SYNE1: variants seen among roughly 807,000 people sequenced by gnomAD.
SYNE1 encodes the protein nesprin-1.
Under a neutral mutation model 1,111.0 loss-of-function variants are expected in SYNE1, and 616 were observed. The observed-to-expected ratio is 0.55, with a 90% CI of 0.52 to 0.59. The LOEUF (loss-of-function observed/expected upper bound fraction) is 0.59, where lower values mean the gene tolerates loss of function less well. Ranked by LOEUF, SYNE1 falls within the 20% of genes least tolerant of loss-of-function variation. SYNE1 has a pLI of 0.00. For synonymous variants in SYNE1, 3,855 were observed against 3,825.8 expected, an observed-to-expected ratio of 1.01 and a Z score of -0.28; for missense variants, 10,006 against 10,417.0, an observed-to-expected ratio of 0.96 and a Z score of 1.72.
At chr6:152,437,628 A>G (rs950893675) in intron 32 of SYNE1, among the ~76,000 whole-genome samples, 2 of 152,284 alleles carry the variant, frequency 1.3e-5, no homozygotes, top group African/African-American at 4.8e-5. Context: ...ATTAGATGTT[A>G]CCTGAATTTT....
intron 145 of SYNE1, among the ~76,000 whole-genome samples, chr6:152,130,188 G>A (rs2055120319): frequency 6.6e-6 from 1 of 152,152 alleles, no homozygotes; most frequent in African/African-American, 2.4e-5. Flanking sequence ...AAGCAGAAGA[G>A]AGAAGGTACT....
At chr6:152,603,588 T>G (rs1391728534) in intron 3 of SYNE1, among the ~76,000 whole-genome samples, 1 of 151,910 alleles carries the variant, frequency 6.6e-6, no homozygotes, top group Non-Finnish European at 1.5e-5. Flanking sequence ...TTGGCTGCAT[T>G]TGAAGAAAAT....
intron 69 of SYNE1, among the ~76,000 whole-genome samples, chr6:152,353,026 T>C (rs992824987): frequency 3.9e-5 from 6 of 152,224 alleles, no homozygotes; most frequent in African/African-American, 1.2e-4. Context: ...TGGAATTCAG[T>C]GAAGACTTTC....
In SYNE1 at chr6:152,321,779, G is replaced by C; in HGVS notation, c.16025C>G (p.Thr5342Arg). The change falls in exon 83 of 146, where the codon ACG becomes AGG. Residue 5342 changes from threonine to arginine, a missense_variant. Physicochemically the swap from Thr to Arg is moderately conservative, Grantham distance 71 (BLOSUM62 -1). This residue lies in a region of SYNE1 where 4,955 missense variants were observed against 5,017.2 expected (regional missense o/e 0.99). Coordinates refer to ENST00000367255, the MANE Select transcript of SYNE1 (RefSeq NM_182961.4). ...TGTTGGATTCCCTAAATATTCTTTC[G>C]TTTCCTGAACCCAACATTTCACAGA... Reference protein sequence around the residue: ...INSVKCWVQETKEYLGNPTIE... With the variant: ...INSVKCWVQERKEYLGNPTIE... 6.2e-7 allele frequency: 1 copy of C among 1,613,804 alleles called. No individual in the cohort carries two copies. The highest frequency in any genetic ancestry group is 8.5e-7 in the Non-Finnish European group (1 of 1,179,910).
At position 152,373,195 on chromosome 6, in the gene SYNE1, C is replaced by T. The variant is rs566953005; in HGVS notation, c.9349G>A (p.Gly3117Arg). Residue 3117 changes from glycine (G) to arginine (R), a missense_variant, in exon 59 of 146, where the codon GGA becomes AGA. Gly to Arg is a moderately radical substitution (Grantham distance 125). Transcript: ENST00000367255. Reference protein sequence around the residue: ...IQEFLSESENGQHKLNMMLSK... With the variant: ...IQEFLSESENRQHKLNMMLSK... ...AGCATCATGTTTAGCTTGTGCTGTC[C>T]ATTTTCACTTTCTGACAAAAACTCC... The T allele has an allele frequency of 1.8e-4, 296 of 1,612,702 alleles. 2 individuals carry two copies. The South Asian group carries it at 2.9e-3, about 16-fold the overall frequency.
rs551556048 is a variant in SYNE1, at chr6:152,449,462, C to A, written c.3504+71G>T. The stretch of plus-strand genomic sequence containing the variant: ...TTCCAGAAAGAAAAAAGCAGAGAAC[C>A]GTTAGATTCTCTAACATTATTCTTC... On this transcript the variant is annotated intron_variant, in intron 28 of 145. Coordinates refer to ENST00000367255, the MANE Select transcript of SYNE1 (RefSeq NM_182961.4). 1.1e-5 allele frequency: 13 copies of A among 1,150,330 alleles called. No homozygotes were observed. In the East Asian group the frequency reaches 2.3e-4, roughly 21 times the overall value. 71.3% of individuals were successfully genotyped at this position (1,150,330 alleles called of 1,614,324 possible).
At position 152,471,157 on chromosome 6, in the gene SYNE1, A is replaced by C. The variant is rs182478258; in HGVS notation, c.1632+440T>G. Reference sequence around the variant, plus strand: ...CGGTAAAAAAAGACACAGTGGACACAATCTAAAAAAAATAGATAGTTCCCA... The same window carrying C: ...CGGTAAAAAAAGACACAGTGGACACCATCTAAAAAAAATAGATAGTTCCCA... On this transcript the variant is annotated intron_variant, in intron 16 of 145. Transcript: ENST00000367255. 5.3e-5 allele frequency among the ~76,000 whole-genome samples: 8 copies of C among 152,322 alleles called. No individual in the cohort carries two copies. In the East Asian group the frequency reaches 1.5e-3, roughly 29 times the overall value.
At chr6:152,471,552 A>T in intron 16 of SYNE1, 45 bp downstream of exon 16, 2 of 1,590,882 alleles carry the variant, frequency 1.3e-6, no homozygotes, top group Non-Finnish European at 1.7e-6. Context: ...GTGTTGCTAA[A>T]TCCATGGCTC....
At chr6:152,311,822 C>T (rs929319560) in intron 87 of SYNE1, among the ~76,000 whole-genome samples, 1 of 150,768 alleles carries the variant, frequency 6.6e-6, no homozygotes, top group Admixed American at 6.6e-5. Flanking sequence ...TTCGCCCAGG[C>T]TGGAGTGCAG....
chr6:152,567,107 ACT>A (rs1158310089), intron 3 of SYNE1, among the ~76,000 whole-genome samples: 3 of 146,500 alleles, frequency 2.0e-5, no homozygotes, highest in African/African-American at 5.1e-5. Flanking sequence ...CTGCTGTTTC[ACT>A]CTCTGTTTCT....
rs1287193464 is a variant in SYNE1, at chr6:152,381,219, C to T, written c.8796G>A (p.Gln2932=). 6.2e-7 allele frequency: 1 copy of T among 1,614,230 alleles called. No individual in the cohort carries two copies. The highest frequency in any genetic ancestry group is 8.5e-7 in the Non-Finnish European group (1 of 1,180,050). Residue 2932 remains glutamine (Q), a synonymous_variant, in exon 56 of 146, where the codon CAG becomes CAA. Transcript: ENST00000367255. ...GCGTTTGGAATACACTGTCTTCCCA[C>T]TGCTTCCAGTCGGCACGCAGGGCCT... ...EMQALRADWK[Q]WEDSVFQTQS...
At chr6:152,181,890 C>G (rs1188303388) in intron 128 of SYNE1, among the ~76,000 whole-genome samples, 1 of 152,176 alleles carries the variant, frequency 6.6e-6, no homozygotes, top group Non-Finnish European at 1.5e-5. Context: ...TTCACATTCC[C>G]ACCAGTAGTA....
At chr6:152,332,683 G>A (rs979220525) in intron 77 of SYNE1, among the ~76,000 whole-genome samples, 1 of 152,120 alleles carries the variant, frequency 6.6e-6, no homozygotes, top group African/African-American at 2.4e-5. Flanking sequence ...AATCTGTAAG[G>A]TATAACCAAC....
At chr6:152,509,838 C>T (rs541677689) in intron 8 of SYNE1, among the ~76,000 whole-genome samples, 2 of 151,938 alleles carry the variant, frequency 1.3e-5, no homozygotes, top group East Asian at 1.9e-4. Context: ...AAGAGATAAC[C>T]GAGTTTAAAC....
rs542002335 is a variant in SYNE1, at chr6:152,488,564, A to C, written c.940-61T>G. On this transcript the variant is annotated intron_variant, in intron 11 of 145. Transcript: ENST00000367255. ...CTGTGCATTTATTTAATTGCTGATT[A>C]ATACTTGACTGATTCTAGAAGAGAC... 241 of 911,884 alleles carry C rather than the reference A, an allele frequency of 2.6e-4. 2 individuals carry two copies. In the Middle Eastern group the frequency reaches 6.4e-3, roughly 24 times the overall value. 56.5% of individuals were successfully genotyped at this position (911,884 alleles called of 1,614,324 possible). A position where few individuals can be genotyped will look rare whatever the true frequency, so the allele number is the denominator to read the frequency against.
rs561914732 is a variant in SYNE1, at chr6:152,600,439, A to G, written c.67+27826T>C. On this transcript the variant is annotated intron_variant, in intron 3 of 145. Transcript: ENST00000367255. ...TCCTATTTTTTTAAAAAGCAAACAG[A>G]AACCTTTCTTTTTGGCATCTTCTCC... 1.8e-4 allele frequency among the ~76,000 whole-genome samples: 28 copies of G among 152,354 alleles called. 2 individuals carry two copies. The highest frequency in any genetic ancestry group is 6.5e-4 in the African/African-American group (27 of 41,580).
In SYNE1 at chr6:152,207,983, C is replaced by T. The variant is rs769597715; in HGVS notation, c.22813G>A (p.Asp7605Asn). 1.2e-6 allele frequency: 2 copies of T among 1,614,140 alleles called. No homozygotes were observed. The highest frequency in any genetic ancestry group is 1.7e-6 in the Non-Finnish European group (2 of 1,180,026). ...GTTTTGCATCTTACCTGCACTTCAT[C>T]AAAGAGGGTCCTTGCTTGTTGCAGT... The part of the protein sequence containing the change: ...IPLQQARTLF[D>N]EVQFKEKVFL... Residue 7605 changes from aspartate to asparagine, a missense_variant, in exon 125 of 146, where the codon GAT becomes AAT. By Grantham distance (23) the Asp-to-Asn change is conservative. Transcript: ENST00000367255.
intron 127 of SYNE1, among the ~76,000 whole-genome samples, chr6:152,192,023 A>G (rs1245678631): frequency 6.6e-6 from 1 of 151,952 alleles, no homozygotes; most frequent in Non-Finnish European, 1.5e-5. Context: ...TCAGAAACAC[A>G]TAGTTTAATT....
intron 98 of SYNE1, among the ~76,000 whole-genome samples, chr6:152,274,303 C>G (rs1291130763): frequency 6.6e-6 from 1 of 152,152 alleles, no homozygotes; most frequent in Non-Finnish European, 1.5e-5. Flanking sequence ...ACACAGAGTT[C>G]AAACGTCTTT....
Sources: gnomAD v4.1 joint callset for allele counts (sites outside exome capture counted in the v4.1 genomes callset) on GRCh38, gnomAD v4.1.1 for gene constraint, gnomAD v4.1.1 regional missense constraint, MANE v1.5 for transcripts, NCBI Gene and HGNC (gene_info 2026-07-23, HGNC 2026-07-21) for gene names.